The following ZNRF1 variants were observed in gnomAD, a reference collection of about 807,000 sequenced individuals.
ZNRF1 encodes zinc and ring finger 1.
In ZNRF1, 3 loss-of-function variants were observed where a neutral mutation model predicts 18.4. The ratio of observed to expected loss-of-function variants is 0.16; its 90% CI spans 0.07 to 0.42. The LOEUF is 0.42. Ranked by LOEUF, ZNRF1 falls within the 10% of genes least tolerant of loss-of-function variation. ZNRF1 has a pLI of 0.99. For synonymous variants in ZNRF1, 157 were observed against 144.2 expected (o/e 1.09, Z -0.64); for missense variants, 310 against 329.8 (o/e 0.94, Z 0.47).
chr16:75,010,195 C>T (rs989483874), intron 1 of ZNRF1, among the ~76,000 whole-genome samples: 2 of 152,122 alleles, frequency 1.3e-5, no homozygotes, highest in African/African-American at 4.8e-5. Flanking sequence ...ATTGGCCAGG[C>T]TGGTCTCGAA....
At position 75,106,586 on chromosome 16, in the gene ZNRF1, G is replaced by A. The variant is rs377573668; in HGVS notation, c.*32+15G>A. On this transcript the variant is annotated intron_variant, in intron 4 of 4. Transcript: ENST00000335325. ...TCCTCTCAAAGGTGAGCCCGCGTTT[G>A]GGGGTGCTCCGGGCTCAAGGCTTGG... The A allele has an allele frequency of 1.2e-6, 2 of 1,611,410 alleles. No individual in the cohort carries two copies. The highest frequency in any genetic ancestry group is 2.2e-5 in the East Asian group (1 of 44,830).
At chr16:75,071,541 G>A (rs758397097) in intron 1 of ZNRF1, among the ~76,000 whole-genome samples, 6 of 152,140 alleles carry the variant, frequency 3.9e-5, no homozygotes, top group Admixed American at 1.3e-4. Flanking sequence ...TGAGGGTCTT[G>A]AAATAGGCAG....
chr16:75,092,231 GTCT>G (rs1212647119), intron 1 of ZNRF1, among the ~76,000 whole-genome samples: 1 of 152,188 alleles, frequency 6.6e-6, no homozygotes, highest in African/African-American at 2.4e-5. Flanking sequence ...CGTCATAAAG[GTCT>G]TCATCGTGTT....
intron 1 of ZNRF1, among the ~76,000 whole-genome samples, chr16:75,013,891 G>A (rs1385525475): frequency 1.3e-5 from 2 of 151,672 alleles, no homozygotes; most frequent in Non-Finnish European, 2.9e-5. Flanking sequence ...GGGCAGTGGT[G>A]TGGTTTTGGC....
intron 1 of ZNRF1, among the ~76,000 whole-genome samples, chr16:75,001,564 A>G (rs2034849762): frequency 1.3e-5 from 2 of 152,188 alleles, no homozygotes; most frequent in Admixed American, 1.3e-4. Flanking sequence ...TTTGAAATTA[A>G]TAATTTTTCC....
chr16:75,063,395 C>G (rs879498071), intron 1 of ZNRF1, among the ~76,000 whole-genome samples: 5 of 152,174 alleles, frequency 3.3e-5, no homozygotes, highest in Non-Finnish European at 5.9e-5. Flanking sequence ...GTGGGCATCA[C>G]CAGCCAGGCC....
intron 1 of ZNRF1, among the ~76,000 whole-genome samples, chr16:75,053,693 T>C (rs76415603): frequency 0.021 from 3,138 of 152,080 alleles, 102 homozygotes; most frequent in African/African-American, 0.072. Flanking sequence ...CCCCATGCTG[T>C]AAAACACATC....
At chr16:75,010,930 A>T (rs986521972) in intron 1 of ZNRF1, among the ~76,000 whole-genome samples, 1 of 151,952 alleles carries the variant, frequency 6.6e-6, no homozygotes, top group African/African-American at 2.4e-5. Context: ...GCTGGTCTTG[A>T]ACTCCTGACC....
chr16:75,023,003 T>C (rs551402734), intron 1 of ZNRF1, among the ~76,000 whole-genome samples: 1 of 152,264 alleles, frequency 6.6e-6, no homozygotes, highest in South Asian at 2.1e-4. Flanking sequence ...AATTTGGTAA[T>C]TGGAAGAGGA....
intron 3 of ZNRF1, 154 bp from the exon 4 acceptor site, chr16:75,106,328 T>A (rs1234570015): frequency 1.4e-6 from 1 of 698,450 alleles, no homozygotes; most frequent in East Asian, 2.7e-5. Context: ...CTTCAGAAAG[T>A]AGGGATATCT....
At chr16:75,071,333 C>G (rs1597894605) in intron 1 of ZNRF1, among the ~76,000 whole-genome samples, 1 of 152,166 alleles carries the variant, frequency 6.6e-6, no homozygotes, top group Non-Finnish European at 1.5e-5. Flanking sequence ...CTCCTGACCT[C>G]AAGCGATCTG....
At chr16:75,106,306 C>A in intron 3 of ZNRF1, 176 bp from the exon 4 acceptor site, 1 of 637,428 alleles carries the variant, frequency 1.6e-6, no homozygotes, top group South Asian at 1.8e-5. Flanking sequence ...TTGGTGTTCA[C>A]CCTTCTTCGT....
At chr16:75,023,882 T>G (rs1334675402) in intron 1 of ZNRF1, among the ~76,000 whole-genome samples, 1 of 151,150 alleles carries the variant, frequency 6.6e-6, no homozygotes, top group African/African-American at 2.4e-5. Flanking sequence ...TTTTCTTTTT[T>G]TTTTTTGAGA....
At chr16:75,093,435 C>T in intron 1 of ZNRF1, 137 bp from the exon 2 acceptor site, 3 of 560,788 alleles carry the variant, frequency 5.3e-6, no homozygotes, top group Non-Finnish European at 9.6e-6. Flanking sequence ...TGAAGGAGGA[C>T]AGGTCCAGGG....
At chr16:75,065,918 CCT>C (rs1432203883) in intron 1 of ZNRF1, among the ~76,000 whole-genome samples, 1 of 152,186 alleles carries the variant, frequency 6.6e-6, no homozygotes, top group African/African-American at 2.4e-5. Context: ...CGCTGCTGCT[CCT>C]CTCTCAGGTG....
chr16:75,063,216 G>A lies in ZNRF1; in HGVS notation c.425-30356G>A, dbSNP rs544097414. ...CATAGCCCCGCTTCCCCAGCGCCAC[G>A]CCAGCAGCAAGCTGGGCGCTCACAG... On this transcript the variant is annotated intron_variant, in intron 1 of 4. Transcript: ENST00000335325. 2.3e-3 allele frequency among the ~76,000 whole-genome samples: 354 copies of A among 152,232 alleles called. 1 individual carries two copies. The highest frequency in any genetic ancestry group is 8.1e-3 in the African/African-American group (338 of 41,552).
At chr16:75,045,707 C>G (rs2035506298) in intron 1 of ZNRF1, among the ~76,000 whole-genome samples, 1 of 147,758 alleles carries the variant, frequency 6.8e-6, no homozygotes, top group South Asian at 2.1e-4. Flanking sequence ...GCTGAATCTT[C>G]TTCTTCGTCT....
At chr16:75,003,603 G>A (rs79712146) in intron 1 of ZNRF1, among the ~76,000 whole-genome samples, 9,700 of 152,220 alleles carry the variant, frequency 0.064, 364 homozygotes, top group East Asian at 0.17. Flanking sequence ...GTTGGCTGGT[G>A]CCAGAACCTG....
At chr16:75,028,996 C>T (rs1317929758) in intron 1 of ZNRF1, among the ~76,000 whole-genome samples, 1 of 151,974 alleles carries the variant, frequency 6.6e-6, no homozygotes, top group Non-Finnish European at 1.5e-5. Flanking sequence ...TTTTATATAT[C>T]ACAAACTTGG....
Sources: gnomAD v4.1 joint callset for allele counts (sites outside exome capture counted in the v4.1 genomes callset) on GRCh38, gnomAD v4.1.1 for gene constraint, MANE v1.5 for transcripts, NCBI Gene and HGNC (gene_info 2026-07-23, HGNC 2026-07-21) for gene names.